The following SMURF2 variants were observed in gnomAD, a reference collection of about 807,000 sequenced individuals.
SMURF2 encodes E3 ubiquitin-protein ligase SMURF2.
In SMURF2, 48 loss-of-function variants were observed where a neutral mutation model predicts 109.6. The observed-to-expected ratio is 0.44, with a 90% CI of 0.35 to 0.56. The LOEUF (loss-of-function observed/expected upper bound fraction) is 0.56. Ranked by LOEUF, SMURF2 falls within the 20% of genes least tolerant of loss-of-function variation. The pLI is 0.01. For missense variants in SMURF2, 575 were observed against 909.0 expected (o/e 0.63, Z 4.72); for synonymous variants, 288 against 317.1 (o/e 0.91, Z 0.97).
intron 2 of SMURF2, among the ~76,000 whole-genome samples, chr17:64,600,656 T>C (rs533813282): frequency 6.6e-6 from 1 of 152,284 alleles, no homozygotes; most frequent in Admixed American, 6.5e-5. Context: ...TTTGACTATA[T>C]TGTTCTTGAA....
chr17:64,567,846 C>A (rs573416812), intron 10 of SMURF2, among the ~76,000 whole-genome samples: 58 of 148,332 alleles, frequency 3.9e-4, no homozygotes, highest in African/African-American at 1.4e-3. Context: ...CCCGCCACCA[C>A]ACCTGGCTTT....
At chr17:64,644,742 A>G (rs1970538060) in intron 1 of SMURF2, among the ~76,000 whole-genome samples, 2 of 151,908 alleles carry the variant, frequency 1.3e-5, no homozygotes, top group African/African-American at 4.8e-5. Flanking sequence ...CGAAACTCCA[A>G]CTCTACCAAA....
intron 1 of SMURF2, among the ~76,000 whole-genome samples, chr17:64,626,941 A>C (rs77225238): frequency 0.013 from 2,011 of 151,492 alleles, 41 homozygotes; most frequent in African/African-American, 0.046. Context: ...CTAAAAAAAA[A>C]AAACAAACAA....
At chr17:64,621,976 TAATAATAATAAA>T (rs1218677076) in intron 1 of SMURF2, among the ~76,000 whole-genome samples, 7 of 143,868 alleles carry the variant, frequency 4.9e-5, no homozygotes, top group Non-Finnish European at 7.6e-5. Context: ...ATAATAATAA[TAATAATAATAAA>T]AAAAAGCACT....
At chr17:64,611,054 A>G (rs534204921) in intron 1 of SMURF2, among the ~76,000 whole-genome samples, 2 of 152,260 alleles carry the variant, frequency 1.3e-5, no homozygotes, top group African/African-American at 4.8e-5. Flanking sequence ...AACTCATTCT[A>G]AGTTCTCTTT....
Position 64,661,861 on chromosome 17 carries a change from C to T in SMURF2, c.20G>A (p.Arg7Gln), listed in dbSNP as rs1361619880. Residue 7 changes from arginine (R) to glutamine (Q), a missense_variant, in exon 1 of 19, where the codon CGG becomes CAG. Transcript: ENST00000262435. MSNPGG[R>Q]RNGPVKLRLT... The stretch of plus-strand genomic sequence containing the variant: ...GCGCAGCTTGACGGGCCCGTTCCTC[C>T]GGCCTCCGGGGTTAGACATGTCCCC... 4 of 1,216,744 alleles carry T rather than the reference C, an allele frequency of 3.3e-6. No homozygotes were observed. Among genetic ancestry groups the T allele is most frequent in the African/African-American group, 1.6e-5 (1 of 63,552 alleles). The allele number at this position is 1,216,744 out of a possible 1,614,324, so 75.4% of individuals were successfully genotyped here.
At chr17:64,613,745 G>GTGTGTGT (rs1568195629) in intron 1 of SMURF2, among the ~76,000 whole-genome samples, 3 of 87,544 alleles carry the variant, frequency 3.4e-5, no homozygotes, top group African/African-American at 1.3e-4. Context: ...TGTGTGTGTG[G>GTGTGTGT]AGGGGGGGCA....
At chr17:64,598,015 AAAAG>A in intron 3 of SMURF2, among the ~76,000 whole-genome samples, 1 of 152,194 alleles carries the variant, frequency 6.6e-6, no homozygotes, top group East Asian at 1.9e-4. Context: ...AATAAAATTT[AAAAG>A]AAAGAAACCA....
chr17:64,608,007 A>G (rs918131555), intron 1 of SMURF2, among the ~76,000 whole-genome samples: 4 of 145,684 alleles, frequency 2.7e-5, no homozygotes, highest in African/African-American at 1.0e-4. Context: ...ATAAATAAAT[A>G]AATAAATAAA....
intron 10 of SMURF2, among the ~76,000 whole-genome samples, chr17:64,566,803 C>A (rs1969319251): frequency 6.6e-6 from 1 of 151,130 alleles, no homozygotes; most frequent in South Asian, 2.1e-4. Context: ...AACTCCTGAC[C>A]TTGTGATCCA....
intron 2 of SMURF2, among the ~76,000 whole-genome samples, chr17:64,600,111 A>C (rs782503249): frequency 3.3e-5 from 5 of 152,182 alleles, no homozygotes; most frequent in African/African-American, 4.8e-5. Flanking sequence ...AGGAGAAAGA[A>C]AGACTAGAGG....
chr17:64,563,505 C>A (rs1221201690), intron 10 of SMURF2, among the ~76,000 whole-genome samples: 1 of 152,176 alleles, frequency 6.6e-6, no homozygotes, highest in Non-Finnish European at 1.5e-5. Context: ...TTAACATACA[C>A]ACAAAATCAA....
Position 64,652,970 on chromosome 17 carries a change from A to G in SMURF2, c.52+8859T>C, listed in dbSNP as rs565426555. On this transcript the variant is annotated intron_variant, in intron 1 of 18. Transcript: ENST00000262435. ...GTTAAAATTATAAATAATGCAGAAG[A>G]AAACACAGAGAAAATCTTTAGAACT... 1.2e-4 allele frequency among the ~76,000 whole-genome samples: 18 copies of G among 152,312 alleles called. No homozygotes were observed. The South Asian group carries it at 3.7e-3, about 32-fold the overall frequency.
intron 1 of SMURF2, among the ~76,000 whole-genome samples, chr17:64,655,434 T>C (rs746571877): frequency 1.3e-5 from 2 of 151,488 alleles, no homozygotes; most frequent in Non-Finnish European, 2.9e-5. Context: ...ATTTTTGTAT[T>C]ATTAGTAGAG....
In SMURF2 at chr17:64,649,343, G is replaced by T. The variant is rs138392304; in HGVS notation, c.52+12486C>A. ...GACGCTACAGGCTACTTTTGAAAGC[G>T]CCAGCATGCTACAGAGGAATTTATC... On this transcript the variant is annotated intron_variant, in intron 1 of 18. Coordinates refer to ENST00000262435, the MANE Select transcript of SMURF2 (RefSeq NM_022739.4). 9.9e-5 allele frequency among the ~76,000 whole-genome samples: 15 copies of T among 152,100 alleles called. 1 individual carries two copies. In the East Asian group the frequency reaches 2.9e-3, roughly 29 times the overall value.
intron 1 of SMURF2, among the ~76,000 whole-genome samples, chr17:64,654,887 G>A (rs543719312): frequency 6.6e-6 from 1 of 151,912 alleles, no homozygotes; most frequent in Non-Finnish European, 1.5e-5. Flanking sequence ...ATGTTGCCCA[G>A]GCTGGTCTCG....
At chr17:64,586,269 T>A in intron 5 of SMURF2, 99 bp from the exon 6 acceptor site, 2 of 659,944 alleles carry the variant, frequency 3.0e-6, no homozygotes, top group Non-Finnish European at 4.9e-6. Context: ...TTAGCTTATT[T>A]TAATACTTTA....
intron 1 of SMURF2, among the ~76,000 whole-genome samples, chr17:64,654,836 T>A (rs1486567140): frequency 3.3e-5 from 5 of 151,750 alleles, no homozygotes; most frequent in African/African-American, 4.8e-5. Flanking sequence ...TATCAAAAAA[T>A]AATAATAATA....
chr17:64,599,098 T>C (rs1288147817), intron 2 of SMURF2, among the ~76,000 whole-genome samples: 1 of 152,312 alleles, frequency 6.6e-6, no homozygotes, highest in Non-Finnish European at 1.5e-5. Flanking sequence ...GTGATACTGA[T>C]TGTAACGCAA....
Sources: gnomAD v4.1 joint callset for allele counts (sites outside exome capture counted in the v4.1 genomes callset) on GRCh38, gnomAD v4.1.1 for gene constraint, MANE v1.5 for transcripts, NCBI Gene and HGNC (gene_info 2026-07-23, HGNC 2026-07-21) for gene names.